TRAPPC3L: variants seen among roughly 807,000 people sequenced by gnomAD.
TRAPPC3L encodes trafficking protein particle complex subunit 3L.
TRAPPC3L carries 23 observed loss-of-function variants against 23.7 expected under a neutral mutation model. The observed-to-expected ratio is 0.97, with a 90% CI of 0.70 to 1.37. TRAPPC3L has a LOEUF of 1.37. Among genes scored for constraint, TRAPPC3L ranks in the 40% most tolerant of loss-of-function variants. The pLI is 0.00. For missense variants in TRAPPC3L, 212 were observed against 216.8 expected (o/e 0.98, Z 0.14); for synonymous variants, 81 against 77.9 (o/e 1.04, Z -0.21).
At chr6:116,540,728 T>C (rs1334966672) in intron 2 of TRAPPC3L, among the ~76,000 whole-genome samples, 2 of 151,996 alleles carry the variant, frequency 1.3e-5, no homozygotes, top group Non-Finnish European at 2.9e-5. Flanking sequence ...AAGTTGACAA[T>C]ATAAATTAAA....
chr6:116,512,475 G>A, intron 3 of TRAPPC3L: 1 of 494,162 alleles, frequency 2.0e-6, no homozygotes, highest in Admixed American at 3.4e-5. Flanking sequence ...CCACTGGATT[G>A]TCCACATATA....
intron 3 of TRAPPC3L, chr6:116,511,572 T>TC: frequency 1.2e-6 from 1 of 820,350 alleles, no homozygotes; most frequent in South Asian, 1.7e-5. Context: ...TGTTTCCTTA[T>TC]CTGGCTCAAT....
rs553451152 is a variant in TRAPPC3L at position 116,545,524 on chromosome 6, T to C, written c.-10A>G. The C allele has an allele frequency of 5.2e-6, 8 of 1,546,724 alleles. No individual in the cohort carries two copies. The highest frequency in any genetic ancestry group is 1.4e-5 in the African/African-American group (1 of 73,028). On this transcript the variant is annotated 5_prime_UTR_variant, in exon 1 of 5. Transcript: ENST00000368602. ...GTGCAGGGCGAGACATAGTGCTTGATAGATGAAGAATATGATCTTCAATTT... is the reference window on the plus strand; with the variant it reads ...GTGCAGGGCGAGACATAGTGCTTGACAGATGAAGAATATGATCTTCAATTT...
intron 3 of TRAPPC3L, among the ~76,000 whole-genome samples, chr6:116,526,161 T>C (rs1158600639): frequency 6.6e-6 from 1 of 152,248 alleles, no homozygotes; most frequent in African/African-American, 2.4e-5. Context: ...TCTTTCCCTA[T>C]AGACAAGTTT....
chr6:116,535,216 G>A (rs189680516), intron 3 of TRAPPC3L, among the ~76,000 whole-genome samples: 1 of 152,320 alleles, frequency 6.6e-6, no homozygotes, highest in Admixed American at 6.5e-5. Context: ...AAGAATGACA[G>A]CTGAAAGAGG....
intron 3 of TRAPPC3L, among the ~76,000 whole-genome samples, chr6:116,525,424 T>A (rs1772426706): frequency 6.6e-6 from 1 of 152,216 alleles, no homozygotes; most frequent in South Asian, 2.1e-4. Context: ...CATTTTATTT[T>A]TTTAAAAATT....
chr6:116,508,721 T>C (rs1037575146), intron 3 of TRAPPC3L, among the ~76,000 whole-genome samples: 1 of 151,844 alleles, frequency 6.6e-6, no homozygotes, highest in African/African-American at 2.4e-5. Context: ...TTTAGGAAGA[T>C]AAAAAATGAA....
intron 4 of TRAPPC3L, 39 bp from the exon 5 acceptor site, chr6:116,497,112 T>A (rs1583262879): frequency 6.7e-7 from 1 of 1,500,344 alleles, no homozygotes; most frequent in East Asian, 2.6e-5. Context: ...GTCATTCAAT[T>A]AAAAAACAAA....
At chr6:116,506,791 A>C (rs1769820944) in intron 3 of TRAPPC3L, among the ~76,000 whole-genome samples, 1 of 152,182 alleles carries the variant, frequency 6.6e-6, no homozygotes, top group African/African-American at 2.4e-5. Flanking sequence ...GTACGTTCTC[A>C]CTCCTAAGTG....
chr6:116,500,351 GGGGTAATT>G, intron 4 of TRAPPC3L, 122 bp downstream of exon 4: 1 of 811,764 alleles, frequency 1.2e-6, no homozygotes, highest in Non-Finnish European at 1.9e-6. Context: ...CTACATTTTG[GGGGTAATT>G]TGTAACACAC....
intron 3 of TRAPPC3L, chr6:116,516,684 TATATATATATATATATATATATATAC>T (rs1333001568): frequency 0.011 from 728 of 65,270 alleles, 21 homozygotes; most frequent in African/African-American, 0.024. Context: ...TATATATATA[TATATATATATATATATATATATATAC>T]ACACACACAG....
At chr6:116,538,756 G>A (rs1773250550) in intron 3 of TRAPPC3L, among the ~76,000 whole-genome samples, 1 of 148,980 alleles carries the variant, frequency 6.7e-6, no homozygotes, top group African/African-American at 2.5e-5. Flanking sequence ...TTTTGAAACA[G>A]GGTCTTGCTC....
At chr6:116,516,718 C>CAG (rs1772236601) in intron 3 of TRAPPC3L, 2 of 127,648 alleles carry the variant, frequency 1.6e-5, no homozygotes, top group Non-Finnish European at 3.3e-5. Flanking sequence ...TACACACACA[C>CAG]AGAAATATAT....
chr6:116,543,466 G>T (rs1773585877), intron 1 of TRAPPC3L, 66 bp from the exon 2 acceptor site: 2 of 1,323,402 alleles, frequency 1.5e-6, no homozygotes, highest in Non-Finnish European at 2.1e-6. Flanking sequence ...TATTTCTTTT[G>T]TTTATAAAAT....
rs1773601847 is a variant in TRAPPC3L, at chr6:116,543,733, T to G, written c.43-333A>C. ...ACTAATTTCTAACATAAATTTCTGT[T>G]TTTCTAAAATATATGCCATCCATGT... On this transcript the variant is annotated intron_variant, in intron 1 of 4. Coordinates refer to ENST00000368602, the MANE Select transcript of TRAPPC3L (RefSeq NM_001139444.3). 2.5e-6 allele frequency: 3 copies of G among 1,215,206 alleles called. No individual in the cohort carries two copies. In the Admixed American group the frequency reaches 7.6e-5, roughly 31 times the overall value. 75.3% of individuals were successfully genotyped at this position (1,215,206 alleles called of 1,614,324 possible). A position where few individuals can be genotyped will look rare whatever the true frequency, so the allele number is the denominator to read the frequency against.
Position 116,495,919 on chromosome 6 carries a change from G to C in TRAPPC3L, c.*1035C>G, listed in dbSNP as rs1465177644. 1 of 152,006 alleles carries C rather than the reference G, an allele frequency of 6.6e-6. No individual in the cohort carries two copies. Among genetic ancestry groups the C allele is most frequent in the Non-Finnish European group, 1.5e-5 (1 of 67,992 alleles). The allele number at this position is 152,006 out of a possible 1,614,324, so 9.4% of individuals were successfully genotyped here. A position where few individuals can be genotyped will look rare whatever the true frequency, so the allele number is the denominator to read the frequency against. On this transcript the variant is annotated 3_prime_UTR_variant, in exon 5 of 5. Coordinates refer to ENST00000368602, the MANE Select transcript of TRAPPC3L (RefSeq NM_001139444.3). ...TTGGTTGAACTCCTTATATATTCTG[G>C]TTATTAATAGCACAAGGGTGTCAGA...
chr6:116,531,846 T>C (rs1772744726), intron 3 of TRAPPC3L, among the ~76,000 whole-genome samples: 1 of 150,080 alleles, frequency 6.7e-6, no homozygotes, highest in Admixed American at 6.7e-5. Flanking sequence ...ATAATAAATA[T>C]ACAATTTAAT....
At chr6:116,509,026 G>C (rs1299938532) in intron 3 of TRAPPC3L, among the ~76,000 whole-genome samples, 1 of 148,084 alleles carries the variant, frequency 6.8e-6, no homozygotes, top group Non-Finnish European at 1.5e-5. Context: ...CAGTAGCCCT[G>C]CTATACACCA....
intron 3 of TRAPPC3L, chr6:116,518,797 T>C (rs1194688987): frequency 1.3e-5 from 2 of 152,142 alleles, no homozygotes; most frequent in Non-Finnish European, 2.9e-5. Context: ...CTTACGCTCA[T>C]GACAATGACT....
Sources: allele counts gnomAD v4.1 joint callset (sites outside exome capture counted in the v4.1 genomes callset), GRCh38; gene constraint gnomAD v4.1.1; transcripts MANE v1.5; gene names NCBI Gene and HGNC (gene_info 2026-07-23, HGNC 2026-07-21).